The following PAX8 variants were observed in gnomAD, a reference collection of about 807,000 sequenced individuals.
PAX8 encodes paired box protein Pax-8.
In PAX8, 15 loss-of-function variants were observed where a neutral mutation model predicts 52.4. That is an observed-to-expected ratio of 0.29 (90% confidence interval 0.19 to 0.44). The LOEUF is 0.44. Among genes scored for constraint, PAX8 ranks in the 20% least tolerant of loss-of-function variants. PAX8 has a pLI of 1.00. For synonymous variants in PAX8, 284 were observed against 249.7 expected (o/e 1.14, Z -1.29); for missense variants, 554 against 602.5 (o/e 0.92, Z 0.84).
At chr2:113,265,909 C>T (rs1193578116) in intron 2 of PAX8, 1 of 152,214 alleles carries the variant, frequency 6.6e-6, no homozygotes, top group African/African-American at 2.4e-5. Context: ...CTAAAGGTAA[C>T]TGAGCATGCC....
chr2:113,249,892 G>GT (rs1026592625), intron 2 of PAX8, among the ~76,000 whole-genome samples: 10 of 150,944 alleles, frequency 6.6e-5, no homozygotes, highest in African/African-American at 1.2e-4. Context: ...GAGAAAGTGG[G>GT]TTTTTTTTTC....
intron 2 of PAX8, chr2:113,270,929 A>G (rs982475529): frequency 1.1e-4 from 16 of 152,156 alleles, no homozygotes; most frequent in Admixed American, 2.0e-4. Context: ...AACCAAAGAG[A>G]GGTTTTCATC....
chr2:113,274,504 T>C (rs545069204), intron 2 of PAX8: 1 of 152,384 alleles, frequency 6.6e-6, no homozygotes, highest in African/African-American at 2.4e-5. Flanking sequence ...TCTCTCCAGC[T>C]ACCTTCTCCC....
chr2:113,260,163 C>T (rs1692561296), intron 2 of PAX8, among the ~76,000 whole-genome samples: 2 of 152,162 alleles, frequency 1.3e-5, no homozygotes, highest in Non-Finnish European at 2.9e-5. Flanking sequence ...GAGTAGAAGA[C>T]AGTCCTTGCC....
At chr2:113,241,118 T>A in intron 7 of PAX8, 1 of 315,536 alleles carries the variant, frequency 3.2e-6, no homozygotes, top group Non-Finnish European at 6.2e-6. Context: ...GCGAGGGTGG[T>A]GAGCTCGGGG....
At chr2:113,278,659 G>A in intron 1 of PAX8, 172 bp downstream of exon 1, 1 of 647,132 alleles carries the variant, frequency 1.5e-6, no homozygotes, top group South Asian at 2.2e-5. Flanking sequence ...GATTGGGAGT[G>A]CGCTGAAGAA....
At position 113,236,640 on chromosome 2, in the gene PAX8, G is replaced by C. The variant is rs377413499; in HGVS notation, c.859C>G (p.Arg287Gly). 6.3e-7 allele frequency: 1 copy of C among 1,594,212 alleles called. No homozygotes were observed. Among genetic ancestry groups the C allele is most frequent in the African/African-American group, 1.3e-5 (1 of 74,628 alleles). Residue 287 changes from arginine (R) to glycine (G), a missense_variant, in exon 8 of 12, where the codon CGC becomes GGC. By Grantham distance (125) the Arg-to-Gly change is moderately radical. Transcript: ENST00000429538. The stretch of plus-strand genomic sequence containing the variant: ...TAGGTCTGGTGAGTCGAGAGGTTGC[G>C]CCCCAGTGGCGTGTTGGAAGGGGTC... ...TLTPSNTPLG[R>G]NLSTHQTYPV...
chr2:113,264,618 C>A (rs1558750859), intron 2 of PAX8, among the ~76,000 whole-genome samples: 3 of 152,178 alleles, frequency 2.0e-5, no homozygotes, highest in Admixed American at 1.3e-4. Flanking sequence ...AGAGAGAGAT[C>A]TGGAAGGGTT....
Position 113,242,693 on chromosome 2 carries a change from G to A in PAX8, c.475C>T (p.Leu159=). 1 of 1,610,054 alleles carries A rather than the reference G, an allele frequency of 6.2e-7. No homozygotes were observed. Among genetic ancestry groups the A allele is most frequent in the Non-Finnish European group, 8.5e-7 (1 of 1,176,326 alleles). ...ATCCAGGTCTCTCAGCACTCACTCAGCGTGTGTCCGGGACTCAGGGACTTG... is the reference window on the plus strand; with the variant it reads ...ATCCAGGTCTCTCAGCACTCACTCAACGTGTGTCCGGGACTCAGGGACTTG... ...ATKSLSPGHT[L]IPSSAVTPPE... is the part of the protein sequence containing the mutation. Residue 159 remains leucine (L), a synonymous_variant, in exon 5 of 12, where the codon CTG becomes TTG. Coordinates refer to ENST00000429538, the MANE Select transcript of PAX8 (RefSeq NM_003466.4).
rs1573558171 is a variant in PAX8, at chr2:113,275,909, A to G, written c.25+2461T>C. 2.0e-5 allele frequency: 3 copies of G among 152,300 alleles called. No homozygotes were observed. The South Asian group carries it at 6.2e-4, about 32-fold the overall frequency. 9.4% of individuals were successfully genotyped at this position (152,300 alleles called of 1,614,324 possible). A position where few individuals can be genotyped will look rare whatever the true frequency, so the allele number is the denominator to read the frequency against. On this transcript the variant is annotated intron_variant, in intron 2 of 11. Coordinates refer to ENST00000429538, the MANE Select transcript of PAX8 (RefSeq NM_003466.4). ...ACTCTCTGCAAGGCAAGACCAGCCA[A>G]CGACGAGGCGACCCCGTGGCAGGCT...
Position 113,247,836 on chromosome 2 carries a change from G to C in PAX8, c.26-917C>G, listed in dbSNP as rs1691452434. On this transcript the variant is annotated intron_variant, in intron 2 of 11. Coordinates refer to ENST00000429538, the MANE Select transcript of PAX8 (RefSeq NM_003466.4). ...GACATGATCCCTATTCTTCCCTCATGGGGTTTATTACAGTGAGGTCCTAGA... is the reference window on the plus strand; with the variant it reads ...GACATGATCCCTATTCTTCCCTCATCGGGTTTATTACAGTGAGGTCCTAGA... Among the ~76,000 whole-genome samples, 7 of 152,278 alleles carry C rather than the reference G, an allele frequency of 4.6e-5. No homozygotes were observed. The South Asian group carries it at 1.4e-3, about 32-fold the overall frequency.
At chr2:113,232,081 C>T (rs893656075) in intron 9 of PAX8, among the ~76,000 whole-genome samples, 1 of 152,164 alleles carries the variant, frequency 6.6e-6, no homozygotes, top group Non-Finnish European at 1.5e-5. Flanking sequence ...CAGCCTCCTG[C>T]GCTCCTGGAA....
intron 7 of PAX8, chr2:113,240,266 A>G (rs1690705675): frequency 6.6e-6 from 1 of 152,252 alleles, no homozygotes; most frequent in Non-Finnish European, 1.5e-5. Context: ...CTTTCTCTGC[A>G]CGCTCGTGGT....
chr2:113,278,734 G>A, intron 1 of PAX8, 97 bp downstream of exon 1: 2 of 639,084 alleles, frequency 3.1e-6, no homozygotes, highest in Non-Finnish European at 4.5e-6. Flanking sequence ...TTTAACTTGG[G>A]AGGGAAAAGG....
intron 2 of PAX8, among the ~76,000 whole-genome samples, chr2:113,256,958 A>G (rs987339820): frequency 1.3e-5 from 2 of 151,956 alleles, no homozygotes; most frequent in African/African-American, 4.8e-5. Flanking sequence ...CATTACCCTC[A>G]CCACTGAGAC....
In PAX8 at chr2:113,244,617, C is replaced by T. The variant is rs1289294447; in HGVS notation, c.199G>A (p.Glu67Lys). 8.7e-6 allele frequency: 14 copies of T among 1,614,102 alleles called. No individual in the cohort carries two copies. The highest frequency in any genetic ancestry group is 3.3e-4 in the Middle Eastern group (2 of 6,062). The part of the protein sequence containing the change: ...CVSKILGRYY[E>K]TGSIRPGVIG... ...ACTCCAGGCCGGATGCTGCCAGTCT[C>T]GTAGTACCTACTCCAATAGAGAATC... Residue 67 changes from glutamate (E) to lysine (K), a missense_variant, in exon 4 of 12, where the codon GAG becomes AAG. Physicochemically the swap from Glu to Lys is moderately conservative, Grantham distance 56. Coordinates refer to ENST00000429538, the MANE Select transcript of PAX8 (RefSeq NM_003466.4).
intron 9 of PAX8, among the ~76,000 whole-genome samples, chr2:113,227,945 A>G (rs1558689883): frequency 6.6e-6 from 1 of 152,216 alleles, no homozygotes; most frequent in South Asian, 2.1e-4. Flanking sequence ...CACAAGCCAC[A>G]TATCTGTCCA....
intron 10 of PAX8, chr2:113,226,766 C>T: frequency 8.5e-7 from 1 of 1,182,568 alleles, no homozygotes; most frequent in Non-Finnish European, 1.1e-6. Context: ...GGGAGACCAG[C>T]ACTGCTTGAG....
Position 113,241,694 on chromosome 2 carries a change from A to G in PAX8, c.634T>C (p.Ser212Pro). 6.2e-7 allele frequency: 1 copy of G among 1,614,068 alleles called. No homozygotes were observed. The highest frequency in any genetic ancestry group is 1.1e-5 in the South Asian group (1 of 91,086). ...CGGGGTCCGCTGCTGCTGCTCTGTG[A>G]GTCAATGCTTAGTCGGCAGCTATCC... ...DQDSCRLSIDSQSSSSGPRKH... is the reference protein window; with the variant it reads ...DQDSCRLSIDPQSSSSGPRKH... The change falls in exon 7 of 12, where the codon TCA (serine) becomes CCA (proline). Residue 212 changes from serine (S) to proline (P), a missense_variant. Around this residue, in one of 2 missense-constraint regions of PAX8, gnomAD observed 445 missense variants for 409.9 expected, o/e 1.09. Coordinates refer to ENST00000429538, the MANE Select transcript of PAX8 (RefSeq NM_003466.4).
Sources: allele counts gnomAD v4.1 joint callset (sites outside exome capture counted in the v4.1 genomes callset), GRCh38; gene constraint gnomAD v4.1.1; regional missense constraint gnomAD v4.1.1; transcripts MANE v1.5; gene names NCBI Gene and HGNC (gene_info 2026-07-23, HGNC 2026-07-21).